Variants in DAAM1 observed in about 807,000 individuals in gnomAD.
DAAM1 encodes the protein dishevelled associated activator of morphogenesis 1.
In DAAM1, 52 loss-of-function variants were observed where a neutral mutation model predicts 130.0. The ratio of observed to expected loss-of-function variants is 0.40; its 90% confidence interval spans 0.32 to 0.50. The LOEUF is 0.50. Ranked by LOEUF, DAAM1 falls within the 20% of genes least tolerant of loss-of-function variation. The probability of loss-of-function intolerance (pLI) is 0.61; values close to 1 mark genes in which losing one functional copy is unlikely to be tolerated. For synonymous variants in DAAM1, 452 were observed against 444.5 expected (o/e 1.02, Z -0.21); for missense variants, 1,134 against 1,303.8 (o/e 0.87, Z 2.01).
chr14:59,256,329 A>T (rs1881881745), intron 1 of DAAM1, among the ~76,000 whole-genome samples: 1 of 152,144 alleles, frequency 6.6e-6, no homozygotes, highest in East Asian at 1.9e-4. Context: ...CATTCCCTAA[A>T]ATTTGGCCTC....
chr14:59,342,499 T>A (rs1264972421), intron 16 of DAAM1, among the ~76,000 whole-genome samples: 2 of 152,200 alleles, frequency 1.3e-5, no homozygotes, highest in Admixed American at 6.5e-5. Flanking sequence ...TCCTTTTTTG[T>A]TGGCAATTTA....
At chr14:59,314,651 A>G (rs1884717183) in intron 3 of DAAM1, among the ~76,000 whole-genome samples, 1 of 151,810 alleles carries the variant, frequency 6.6e-6, no homozygotes, top group East Asian at 1.9e-4. Flanking sequence ...GTTCTTTTCC[A>G]CTCAGAGGCA....
rs370106343 is a variant in DAAM1, at chr14:59,319,763, C to T, written c.346-727C>T. 3.6e-4 allele frequency among the ~76,000 whole-genome samples: 55 copies of T among 152,244 alleles called. No individual in the cohort carries two copies. In the East Asian group the frequency reaches 7.5e-3, roughly 21 times the overall value. ...AATCTTACATGGAACCTTGCTTCTG[C>T]GGCATCAGCATTGCCTAGAAATTTG... On this transcript the variant is annotated intron_variant, in intron 4 of 24. Coordinates refer to ENST00000360909, the MANE Select transcript of DAAM1 (RefSeq NM_001270520.2).
At chr14:59,253,473 G>A (rs1202199575) in intron 1 of DAAM1, among the ~76,000 whole-genome samples, 3 of 152,166 alleles carry the variant, frequency 2.0e-5, no homozygotes. Flanking sequence ...CATAAAAGTA[G>A]GAGAACATAA....
At chr14:59,274,763 C>T (rs1490058636) in intron 2 of DAAM1, among the ~76,000 whole-genome samples, 2 of 152,152 alleles carry the variant, frequency 1.3e-5, no homozygotes, top group African/African-American at 4.8e-5. Context: ...TGGGCTGATT[C>T]TTATACTCTG....
chr14:59,228,110 T>G (rs1403297826), intron 1 of DAAM1, among the ~76,000 whole-genome samples: 3 of 152,228 alleles, frequency 2.0e-5, no homozygotes, highest in Admixed American at 2.0e-4. Context: ...ACTTTTTTTT[T>G]CTTCTAAATC....
intron 1 of DAAM1, among the ~76,000 whole-genome samples, chr14:59,258,743 A>T (rs930665462): frequency 6.6e-6 from 1 of 152,202 alleles, no homozygotes; most frequent in Admixed American, 6.5e-5. Context: ...GAAATCTCCA[A>T]CACATGCCAT....
intron 16 of DAAM1, among the ~76,000 whole-genome samples, chr14:59,344,184 G>A (rs1192658332): frequency 1.3e-5 from 2 of 152,152 alleles, no homozygotes; most frequent in Non-Finnish European, 2.9e-5. Context: ...CAGCCTGGGT[G>A]TAGTAAACCA....
intron 2 of DAAM1, among the ~76,000 whole-genome samples, chr14:59,285,861 C>T (rs984483433): frequency 2.6e-5 from 4 of 152,120 alleles, no homozygotes; most frequent in Non-Finnish European, 5.9e-5. Context: ...TTAAACAGAT[C>T]ATTGAGGCAG....
chr14:59,359,046 T>G (rs1886601397), intron 20 of DAAM1, among the ~76,000 whole-genome samples: 1 of 152,198 alleles, frequency 6.6e-6, no homozygotes, highest in African/African-American at 2.4e-5. Context: ...TGAGCTTGTC[T>G]CCACTGGCAG....
At chr14:59,260,038 C>T (rs758202232) in intron 1 of DAAM1, among the ~76,000 whole-genome samples, 7 of 151,414 alleles carry the variant, frequency 4.6e-5, no homozygotes, top group East Asian at 1.9e-4. Flanking sequence ...AGCAAGACTC[C>T]GTCTCAAAAA....
At chr14:59,263,785 C>A in intron 2 of DAAM1, 125 bp downstream of exon 2, 1 of 1,188,056 alleles carries the variant, frequency 8.4e-7, no homozygotes, top group Non-Finnish European at 1.2e-6. Flanking sequence ...CCCCATTCAC[C>A]TTTATGTCTG....
intron 16 of DAAM1, among the ~76,000 whole-genome samples, chr14:59,344,450 T>C (rs1885987029): frequency 6.6e-6 from 1 of 152,196 alleles, no homozygotes; most frequent in Non-Finnish European, 1.5e-5. Flanking sequence ...TTCAGAACAC[T>C]GCCAAGCTTT....
At chr14:59,211,904 A>G (rs1888435929) in intron 1 of DAAM1, among the ~76,000 whole-genome samples, 2 of 152,232 alleles carry the variant, frequency 1.3e-5, no homozygotes, top group South Asian at 2.1e-4. Context: ...CTCATTAATG[A>G]TGAGTTCCAT....
intron 16 of DAAM1, among the ~76,000 whole-genome samples, chr14:59,346,273 G>A (rs1886077894): frequency 6.6e-6 from 1 of 152,092 alleles, no homozygotes; most frequent in Non-Finnish European, 1.5e-5. Context: ...AGACAGGACT[G>A]GGGCCCAGCC....
intron 2 of DAAM1, among the ~76,000 whole-genome samples, chr14:59,279,055 G>T (rs1883099220): frequency 6.6e-6 from 1 of 151,630 alleles, no homozygotes; most frequent in Non-Finnish European, 1.5e-5. Flanking sequence ...GATTTTTTTT[G>T]ACAGCTTTAT....
chr14:59,265,573 G>T (rs1882397691), intron 2 of DAAM1: 1 of 152,226 alleles, frequency 6.6e-6, no homozygotes, highest in Non-Finnish European at 1.5e-5. Context: ...TGAGGAAGGT[G>T]GTTAGGGAAG....
chr14:59,346,725 TA>T, intron 16 of DAAM1, among the ~76,000 whole-genome samples: 1 of 152,328 alleles, frequency 6.6e-6, no homozygotes, highest in South Asian at 2.1e-4. Flanking sequence ...TTATATCTAA[TA>T]AAAATACATT....
intron 3 of DAAM1, among the ~76,000 whole-genome samples, chr14:59,313,280 G>A (rs1028231069): frequency 1.3e-5 from 2 of 152,216 alleles, no homozygotes; most frequent in Non-Finnish European, 2.9e-5. Context: ...CCCAAATTAA[G>A]AACTCTGAGG....
Sources: allele counts gnomAD v4.1 joint callset (sites outside exome capture counted in the v4.1 genomes callset), GRCh38; gene constraint gnomAD v4.1.1; transcripts MANE v1.5; gene names NCBI Gene and HGNC (gene_info 2026-07-23, HGNC 2026-07-21).